Variants in ST6GALNAC3 observed in about 807,000 individuals in gnomAD.
The protein encoded by ST6GALNAC3 is ST6 N-acetylgalactosaminide alpha-2,6-sialyltransferase 3, also known as alpha-N-acetylgalactosaminide alpha-2,6-sialyltransferase 3.
A neutral mutation model predicts 32.7 loss-of-function variants in ST6GALNAC3; 25 were observed. That is an observed-to-expected ratio of 0.76 (90% CI 0.56 to 1.07). ST6GALNAC3 has a LOEUF of 1.07. Ranked by LOEUF, ST6GALNAC3 falls within the 50% of genes least tolerant of loss-of-function variation. The pLI is 0.00. For synonymous variants in ST6GALNAC3, 129 were observed against 133.1 expected (o/e 0.97, Z 0.21); for missense variants, 355 against 382.4 (o/e 0.93, Z 0.60).
rs1648564644 is a variant in ST6GALNAC3, at chr1:76,117,589, C to G, written c.18+42705C>G. Reference sequence around the variant, plus strand: ...CTGTCTTTGCTGCATTATCAGCTGGCAGGGTTATTCACGCTGGACTAGCTC... The same window carrying G: ...CTGTCTTTGCTGCATTATCAGCTGGGAGGGTTATTCACGCTGGACTAGCTC... On this transcript the variant is annotated intron_variant, in intron 1 of 4. Transcript: ENST00000328299. Among the ~76,000 whole-genome samples the G allele has an allele frequency of 3.0e-5, 4 of 133,766 alleles. No homozygotes were observed. The South Asian group carries it at 1.0e-3, about 34-fold the overall frequency. The allele number at this position is 133,766 out of a possible 152,430, so 87.8% of individuals were successfully genotyped here.
At chr1:76,598,518 C>T (rs996646189) in intron 3 of ST6GALNAC3, among the ~76,000 whole-genome samples, 3 of 152,112 alleles carry the variant, frequency 2.0e-5, no homozygotes, top group Middle Eastern at 3.2e-3. Flanking sequence ...AAACTGATTT[C>T]GATCTCTTGG....
At chr1:76,198,205 T>TA (rs982172408) in intron 1 of ST6GALNAC3, among the ~76,000 whole-genome samples, 1 of 151,838 alleles carries the variant, frequency 6.6e-6, no homozygotes, top group African/African-American at 2.4e-5. Context: ...CCCAGCTAAT[T>TA]AAAAAAAATT....
rs569349167 is a variant in ST6GALNAC3, at chr1:76,243,991, A to G, written c.19-69814A>G. On this transcript the variant is annotated intron_variant, in intron 1 of 4. Coordinates refer to ENST00000328299, the MANE Select transcript of ST6GALNAC3 (RefSeq NM_152996.4). ...TTTTCTAATTCTGTGAAGAAAGTCAATGGTAGCTTGATGGGGATGGCATTG... is the reference window on the plus strand; with the variant it reads ...TTTTCTAATTCTGTGAAGAAAGTCAGTGGTAGCTTGATGGGGATGGCATTG... Among the ~76,000 whole-genome samples the G allele has an allele frequency of 2.0e-3, 302 of 152,176 alleles. 1 individual carries two copies. The highest frequency in any genetic ancestry group is 3.6e-3 in the Non-Finnish European group (247 of 67,976).
chr1:76,158,738 A>G (rs1317582771), intron 1 of ST6GALNAC3, among the ~76,000 whole-genome samples: 1 of 152,218 alleles, frequency 6.6e-6, no homozygotes, highest in African/African-American at 2.4e-5. Flanking sequence ...GGGAATTGTC[A>G]GGGAATAAGT....
chr1:76,078,320 C>T (rs1368546612), intron 1 of ST6GALNAC3, among the ~76,000 whole-genome samples: 3 of 152,182 alleles, frequency 2.0e-5, no homozygotes, highest in African/African-American at 4.8e-5. Flanking sequence ...AAGAGACCCC[C>T]ATGCTGTGGC....
At chr1:76,278,650 G>T (rs1659323798) in intron 1 of ST6GALNAC3, among the ~76,000 whole-genome samples, 3 of 152,034 alleles carry the variant, frequency 2.0e-5, no homozygotes, top group Non-Finnish European at 1.5e-5. Context: ...GAGAAGAAAA[G>T]AAAAATAAAC....
intron 1 of ST6GALNAC3, among the ~76,000 whole-genome samples, chr1:76,289,866 TTGAAGCTAGTCATGAAGGGAACAG>T: frequency 6.6e-6 from 1 of 152,318 alleles, no homozygotes; most frequent in East Asian, 1.9e-4. Context: ...CACAGGGTTC[TTGAAGCTAGTCATGAAGGGAACAG>T]AGGGAGGAGG....
At chr1:76,293,721 A>C (rs1293375048) in intron 1 of ST6GALNAC3, among the ~76,000 whole-genome samples, 1 of 152,208 alleles carries the variant, frequency 6.6e-6, no homozygotes, top group East Asian at 1.9e-4. Flanking sequence ...GTCAATTAGA[A>C]GATAAAGCAA....
rs538665709 is a variant in ST6GALNAC3 at position 76,534,712 on chromosome 1, G to A, written c.624-92740G>A. Among the ~76,000 whole-genome samples the A allele has an allele frequency of 6.6e-5, 10 of 152,294 alleles. No homozygotes were observed. The East Asian group carries it at 1.7e-3, about 27-fold the overall frequency. On this transcript the variant is annotated intron_variant, in intron 3 of 4. Coordinates refer to ENST00000328299, the MANE Select transcript of ST6GALNAC3 (RefSeq NM_152996.4). ...TTGTTTATTCAGTGAACTGAATAGT[G>A]TAACTCCATGAAGGTAGGTATTTTT...
chr1:76,545,138 C>A (rs191368335), intron 3 of ST6GALNAC3, among the ~76,000 whole-genome samples: 1 of 152,152 alleles, frequency 6.6e-6, no homozygotes, highest in Admixed American at 6.5e-5. Context: ...AGCCTCGCCT[C>A]ACCTCTTAGA....
chr1:76,343,648 C>T (rs538192929), intron 2 of ST6GALNAC3, among the ~76,000 whole-genome samples: 12 of 152,334 alleles, frequency 7.9e-5, no homozygotes, highest in African/African-American at 2.6e-4. Context: ...GAAGAAATTC[C>T]TATATCGCTA....
chr1:76,196,240 G>A (rs1654196014), intron 1 of ST6GALNAC3, among the ~76,000 whole-genome samples: 1 of 152,098 alleles, frequency 6.6e-6, no homozygotes, highest in African/African-American at 2.4e-5. Context: ...ATGCCTTGGT[G>A]GGATTGTTAA....
chr1:76,459,309 A>G (rs1658107544), intron 3 of ST6GALNAC3, among the ~76,000 whole-genome samples: 1 of 152,222 alleles, frequency 6.6e-6, no homozygotes, highest in Non-Finnish European at 1.5e-5. Flanking sequence ...TCACGCCTGT[A>G]ATCCCAGCAC....
intron 1 of ST6GALNAC3, among the ~76,000 whole-genome samples, chr1:76,247,965 G>A (rs1382347537): frequency 6.6e-6 from 1 of 150,412 alleles, no homozygotes; most frequent in Non-Finnish European, 1.5e-5. Flanking sequence ...GGCTCACCAG[G>A]GAATCTCCTG....
chr1:76,264,893 T>C (rs1332690010), intron 1 of ST6GALNAC3, among the ~76,000 whole-genome samples: 3 of 146,180 alleles, frequency 2.1e-5, no homozygotes, highest in Admixed American at 6.8e-5. Flanking sequence ...ACTGTAACTC[T>C]AGTGCTCTTT....
chr1:76,462,556 G>T (rs548739856), intron 3 of ST6GALNAC3, among the ~76,000 whole-genome samples: 41 of 152,032 alleles, frequency 2.7e-4, no homozygotes, highest in Middle Eastern at 6.8e-3. Flanking sequence ...GACTAGAAAA[G>T]AATACAACTT....
intron 3 of ST6GALNAC3, among the ~76,000 whole-genome samples, chr1:76,454,171 C>T (rs72678056): frequency 0.16 from 24,270 of 151,902 alleles, 2,303 homozygotes; most frequent in South Asian, 0.39. Flanking sequence ...TAGAAGAGTC[C>T]TTATGTGTCA....
intron 3 of ST6GALNAC3, among the ~76,000 whole-genome samples, chr1:76,426,315 G>A (rs1054011104): frequency 4.6e-5 from 7 of 151,978 alleles, no homozygotes; most frequent in African/African-American, 1.7e-4. Context: ...ACACATAGGT[G>A]ACACTACCCA....
At chr1:76,148,784 C>T (rs1041062408) in intron 1 of ST6GALNAC3, among the ~76,000 whole-genome samples, 1 of 152,200 alleles carries the variant, frequency 6.6e-6, no homozygotes, top group Non-Finnish European at 1.5e-5. Context: ...CAGACCCTTT[C>T]TAATACAGCT....
Sources: allele counts gnomAD v4.1 joint callset (sites outside exome capture counted in the v4.1 genomes callset), GRCh38; gene constraint gnomAD v4.1.1; transcripts MANE v1.5; gene names NCBI Gene and HGNC (gene_info 2026-07-23, HGNC 2026-07-21).